Variants in ECT2L observed in about 807,000 individuals in gnomAD.
The protein encoded by ECT2L is epithelial cell transforming 2 like, also known as epithelial cell-transforming sequence 2 oncogene-like.
In ECT2L, 126 loss-of-function variants were observed where a neutral mutation model predicts 122.8. That is an observed-to-expected ratio of 1.03 (90% CI 0.89 to 1.19). The LOEUF (loss-of-function observed/expected upper bound fraction) is 1.19, where lower values mean the gene tolerates loss of function less well. Among genes scored for constraint, ECT2L ranks in the 50% most tolerant of loss-of-function variants. ECT2L has a pLI of 0.00. For synonymous variants in ECT2L, 385 were observed against 381.8 expected, an observed-to-expected ratio of 1.01 and a Z score of -0.10; for missense variants, 1,012 against 1,064.1, an observed-to-expected ratio of 0.95 and a Z score of 0.68.
intron 13 of ECT2L, among the ~76,000 whole-genome samples, chr6:138,872,215 C>T (rs1171655986): frequency 6.6e-6 from 1 of 152,186 alleles, no homozygotes; most frequent in Non-Finnish European, 1.5e-5. Flanking sequence ...TGCTGGCTGC[C>T]CTGCCCCCAA....
intron 12 of ECT2L, 81 bp from the exon 13 acceptor site, chr6:138,868,022 A>AAAAT: frequency 7.4e-6 from 7 of 945,606 alleles, no homozygotes; most frequent in Non-Finnish European, 1.1e-5. Flanking sequence ...AAAAAAAAGA[A>AAAAT]ACTGTGAGGA....
chr6:138,834,708 A>C (rs371880644), intron 4 of ECT2L, among the ~76,000 whole-genome samples: 9 of 152,272 alleles, frequency 5.9e-5, no homozygotes, highest in African/African-American at 2.2e-4. Context: ...GAGGACAGTA[A>C]TTCATTAGAA....
rs150828469 is a variant in ECT2L, at chr6:138,903,608, C to T, written c.*981C>T. On this transcript the variant is annotated 3_prime_UTR_variant, in exon 22 of 22. Transcript: ENST00000541398. ...TTTTTAAAAAGCATATTTTAAAAAA[C>T]AAAACTAAATGGAAACAGCAAAACT... The T allele has an allele frequency of 2.0e-3, 298 of 152,120 alleles. 1 individual carries two copies. The highest frequency in any genetic ancestry group is 7.1e-3 in the African/African-American group (294 of 41,530). 9.4% of individuals were successfully genotyped at this position (152,120 alleles called of 1,614,324 possible). A position where few individuals can be genotyped will look rare whatever the true frequency, so the allele number is the denominator to read the frequency against.
intron 19 of ECT2L, among the ~76,000 whole-genome samples, chr6:138,887,679 C>T (rs1778874635): frequency 6.6e-6 from 1 of 152,198 alleles, no homozygotes; most frequent in South Asian, 2.1e-4. Flanking sequence ...TTACAGTTTT[C>T]CTGACTTCCT....
intron 8 of ECT2L, among the ~76,000 whole-genome samples, chr6:138,848,601 C>G (rs1007325615): frequency 1.3e-5 from 2 of 152,174 alleles, no homozygotes; most frequent in African/African-American, 4.8e-5. Flanking sequence ...TTCCGGGCAT[C>G]TAAGAGTCAG....
intron 20 of ECT2L, among the ~76,000 whole-genome samples, chr6:138,897,521 T>C (rs1396658743): frequency 6.6e-6 from 1 of 152,218 alleles, no homozygotes; most frequent in African/African-American, 2.4e-5. Context: ...GGGATGACTG[T>C]ATCTGCTTTT....
chr6:138,882,235 C>A (rs1019157177), intron 15 of ECT2L, among the ~76,000 whole-genome samples: 4 of 152,178 alleles, frequency 2.6e-5, no homozygotes, highest in African/African-American at 9.7e-5. Flanking sequence ...TCTTTCCTGT[C>A]AGTGGGCCCC....
chr6:138,878,309 A>AC (rs1491278413), intron 14 of ECT2L, among the ~76,000 whole-genome samples: 1 of 41,522 alleles, frequency 2.4e-5, no homozygotes, highest in Admixed American at 3.4e-4. Context: ...ATATATATAC[A>AC]CACACACACA....
intron 1 of ECT2L, among the ~76,000 whole-genome samples, chr6:138,807,742 G>A (rs1775759337): frequency 6.6e-6 from 1 of 152,152 alleles, no homozygotes; most frequent in Non-Finnish European, 1.5e-5. Flanking sequence ...CAGCTGGGCA[G>A]TTGTTCTACC....
intron 13 of ECT2L, among the ~76,000 whole-genome samples, chr6:138,871,761 C>T (rs554523595): frequency 9.9e-5 from 15 of 152,014 alleles, no homozygotes; most frequent in East Asian, 3.9e-4. Context: ...GCCAAGATCG[C>T]GCCATTGCAC....
At chr6:138,827,941 T>C (rs921687839) in intron 4 of ECT2L, among the ~76,000 whole-genome samples, 1 of 66,576 alleles carries the variant, frequency 1.5e-5, no homozygotes, top group South Asian at 7.8e-4. Flanking sequence ...TATAAAGGAC[T>C]ATTTTTTTTT....
rs35946003 is a variant in ECT2L at position 138,858,697 on chromosome 6, C to CTT, written c.1199-3904_1199-3903dup. The stretch of plus-strand genomic sequence containing the variant: ...TTAGTTTTCATCTTCTAGAATTTTC[C>CTT]TTTTTTTTTTTTTTTTTTTTTTTTT... On this transcript the variant is annotated intron_variant, in intron 10 of 21. Coordinates refer to ENST00000541398, the MANE Select transcript of ECT2L (RefSeq NM_001077706.3). Among the ~76,000 whole-genome samples, 25 of 59,356 alleles carry CTT rather than the reference C, an allele frequency of 4.2e-4. 2 individuals are homozygous for CTT. The highest frequency in any genetic ancestry group is 1.6e-3 in the Admixed American group (6 of 3,848). The allele number at this position is 59,356 out of a possible 152,430, so 38.9% of individuals were successfully genotyped here.
intron 1 of ECT2L, among the ~76,000 whole-genome samples, chr6:138,805,370 A>G (rs1447478661): frequency 6.6e-6 from 1 of 152,216 alleles, no homozygotes; most frequent in Non-Finnish European, 1.5e-5. Context: ...ATAGTTTTTC[A>G]AAGTACATAT....
chr6:138,867,988 A>G (rs1669780859), intron 12 of ECT2L, 115 bp from the exon 13 acceptor site: 1 of 705,120 alleles, frequency 1.4e-6, no homozygotes, highest in South Asian at 2.3e-5. Flanking sequence ...CAACAGAGTA[A>G]GATTCTGTCT....
chr6:138,848,725 C>G (rs1356512849), intron 8 of ECT2L, among the ~76,000 whole-genome samples: 6 of 152,166 alleles, frequency 3.9e-5, no homozygotes, highest in Non-Finnish European at 8.8e-5. Flanking sequence ...TCATGCTGGC[C>G]GGGCATGGTG....
At chr6:138,890,227 TGACA>T (rs1372229323) in intron 20 of ECT2L, among the ~76,000 whole-genome samples, 2 of 152,146 alleles carry the variant, frequency 1.3e-5, no homozygotes, top group African/African-American at 2.4e-5. Flanking sequence ...TCAGTATTAA[TGACA>T]AAGAGTGATT....
intron 16 of ECT2L, among the ~76,000 whole-genome samples, chr6:138,883,309 T>G (rs1473898300): frequency 6.6e-6 from 1 of 152,262 alleles, no homozygotes; most frequent in Non-Finnish European, 1.5e-5. Flanking sequence ...TGTCTTGGTC[T>G]TACATTTCCT....
chr6:138,882,811 G>A lies in ECT2L; in HGVS notation c.1968G>A (p.Gln656=). Residue 656 remains glutamine, a synonymous_variant, in exon 16 of 22, where the codon CAG becomes CAA. Coordinates refer to ENST00000541398, the MANE Select transcript of ECT2L (RefSeq NM_001077706.3). Reference sequence around the variant, plus strand: ...AAATAGTCACGAAGTTTGGAAGCCAGTTAAACACATATACCAATTTCTTCA... The same window carrying A: ...AAATAGTCACGAAGTTTGGAAGCCAATTAAACACATATACCAATTTCTTCA... ...VGEIVTKFGS[Q]LNTYTNFFNN... The A allele has an allele frequency of 6.2e-7, 1 of 1,614,202 alleles. No homozygotes were observed. Among genetic ancestry groups the A allele is most frequent in the Non-Finnish European group, 8.5e-7 (1 of 1,180,032 alleles).
At chr6:138,831,047 T>C (rs1776634412) in intron 4 of ECT2L, among the ~76,000 whole-genome samples, 1 of 152,188 alleles carries the variant, frequency 6.6e-6, no homozygotes, top group Non-Finnish European at 1.5e-5. Context: ...ACAATGTGAC[T>C]ATATTCTCTA....
Sources: gnomAD v4.1 joint callset for allele counts (sites outside exome capture counted in the v4.1 genomes callset) on GRCh38, gnomAD v4.1.1 for gene constraint, MANE v1.5 for transcripts, NCBI Gene and HGNC (gene_info 2026-07-23, HGNC 2026-07-21) for gene names.